Variants in RBM27 observed in about 807,000 individuals in gnomAD.
RBM27 encodes RNA-binding protein 27.
Under a neutral mutation model 135.3 loss-of-function variants are expected in RBM27, and 22 were observed. That is an observed-to-expected ratio of 0.16 (90% CI 0.12 to 0.23). The LOEUF (loss-of-function observed/expected upper bound fraction) is 0.23, where lower values mean the gene tolerates loss of function less well. Among genes scored for constraint, RBM27 ranks in the 10% least tolerant of loss-of-function variants. The probability of loss-of-function intolerance (pLI) is 1.00; values close to 1 mark genes in which losing one functional copy is unlikely to be tolerated. For missense variants in RBM27, 1,009 were observed against 1,281.0 expected (o/e 0.79, Z 3.24); for synonymous variants, 481 against 442.4 (o/e 1.09, Z -1.10).
intron 8 of RBM27, among the ~76,000 whole-genome samples, chr5:146,241,557 C>T (rs1190000917): frequency 1.3e-5 from 2 of 152,204 alleles, no homozygotes; most frequent in Non-Finnish European, 2.9e-5. Context: ...CCTCCACCTC[C>T]CAGGTTTAAG....
At chr5:146,253,213 G>A (rs1467366286) in intron 9 of RBM27, among the ~76,000 whole-genome samples, 4 of 152,154 alleles carry the variant, frequency 2.6e-5, no homozygotes, top group Non-Finnish European at 5.9e-5. Flanking sequence ...GGTCAGGCTG[G>A]TCTCGAACTC....
At chr5:146,204,943 G>C (rs1755561916) in intron 1 of RBM27, among the ~76,000 whole-genome samples, 1 of 152,102 alleles carries the variant, frequency 6.6e-6, no homozygotes, top group Non-Finnish European at 1.5e-5. Flanking sequence ...TGTCTCCCAG[G>C]CTGGAGTGCA....
At chr5:146,256,278 C>T (rs1486081474) in intron 10 of RBM27, among the ~76,000 whole-genome samples, 1 of 145,562 alleles carries the variant, frequency 6.9e-6, no homozygotes, top group Admixed American at 6.9e-5. Flanking sequence ...AATGCCTTCT[C>T]ATATATATAT....
Position 146,254,570 on chromosome 5 carries a change from T to TA in RBM27, c.1445-364dup, listed in dbSNP as rs199585285. ...AAAATATTCAGGAAAAAAATAAAAA[T>TA]AAAAAAAAACCAGTACAATAATTAA... On this transcript the variant is annotated intron_variant, in intron 9 of 20. Transcript: ENST00000265271. 2.6e-3 allele frequency among the ~76,000 whole-genome samples: 391 copies of TA among 148,958 alleles called. 4 individuals carry two copies. Among genetic ancestry groups the TA allele is most frequent in the African/African-American group, 9.1e-3 (369 of 40,484 alleles).
intron 11 of RBM27, among the ~76,000 whole-genome samples, chr5:146,259,362 G>A (rs962327824): frequency 6.6e-6 from 1 of 151,826 alleles, no homozygotes; most frequent in Non-Finnish European, 1.5e-5. Context: ...AAATTAGCCA[G>A]GTGTGGTGGC....
At chr5:146,260,966 C>CG (rs879612439) in intron 12 of RBM27, 68 bp downstream of exon 12, 1 of 1,455,456 alleles carries the variant, frequency 6.9e-7, no homozygotes, top group Non-Finnish European at 9.4e-7. Context: ...TCTATCAGCT[C>CG]ACCTTGTTTA....
At chr5:146,234,653 A>G (rs1460424872) in intron 7 of RBM27, among the ~76,000 whole-genome samples, 1 of 152,192 alleles carries the variant, frequency 6.6e-6, no homozygotes, top group Non-Finnish European at 1.5e-5. Flanking sequence ...AATTTTTAAA[A>G]AGTAATTGAA....
chr5:146,264,426 C>T (rs1365750834), intron 14 of RBM27, among the ~76,000 whole-genome samples: 1 of 151,982 alleles, frequency 6.6e-6, no homozygotes, highest in Non-Finnish European at 1.5e-5. Context: ...AGGTGATCCA[C>T]CCCAGAGTGC....
chr5:146,228,240 G>C (rs923134676), intron 3 of RBM27, among the ~76,000 whole-genome samples: 12 of 149,414 alleles, frequency 8.0e-5, no homozygotes, highest in African/African-American at 2.7e-4. Context: ...ATATTATCAG[G>C]TAGATGGACA....
intron 8 of RBM27, among the ~76,000 whole-genome samples, chr5:146,249,546 G>A (rs1378539046): frequency 6.6e-6 from 1 of 151,748 alleles, no homozygotes; most frequent in Non-Finnish European, 1.5e-5. Flanking sequence ...AATTAGCTGG[G>A]CGTGGTGGTG....
At chr5:146,257,566 T>C (rs1467459108) in intron 10 of RBM27, among the ~76,000 whole-genome samples, 1 of 152,206 alleles carries the variant, frequency 6.6e-6, no homozygotes, top group Non-Finnish European at 1.5e-5. Flanking sequence ...GTTGAATCTC[T>C]TGAAATTAAT....
chr5:146,260,491 T>C (rs563104651), intron 11 of RBM27, among the ~76,000 whole-genome samples: 1 of 152,330 alleles, frequency 6.6e-6, no homozygotes, highest in South Asian at 2.1e-4. Context: ...CTCAGAGTGC[T>C]GGCGTTACAG....
chr5:146,261,051 A>G (rs962449513), intron 12 of RBM27, among the ~76,000 whole-genome samples, 153 bp downstream of exon 12: 4 of 152,184 alleles, frequency 2.6e-5, no homozygotes, highest in African/African-American at 9.7e-5. Flanking sequence ...ACCCACTTTT[A>G]TGATGGACTT....
chr5:146,229,024 T>C lies in RBM27; in HGVS notation c.382T>C (p.Ser128Pro), dbSNP rs373850715. 59 of 1,613,042 alleles carry C rather than the reference T, an allele frequency of 3.7e-5. No individual in the cohort carries two copies. The highest frequency in any genetic ancestry group is 4.5e-5 in the Non-Finnish European group (53 of 1,179,322). The change falls in exon 4 of 21, where the codon TCT becomes CCT. Residue 128 changes from serine to proline, a missense_variant. This residue lies in a region of RBM27 where 268 missense variants were observed against 326.6 expected (regional missense o/e 0.82). Coordinates refer to ENST00000265271, the MANE Select transcript of RBM27 (RefSeq NM_018989.2). ...YPSPQKTRSESSERRTREKKR... is the reference protein window; with the variant it reads ...YPSPQKTRSEPSERRTREKKR... ...TAGTCCCCAGAAGACTCGTTCAGAATCTAGTGAACGAAGGTTTGTGTTTAT... is the reference window on the plus strand; with the variant it reads ...TAGTCCCCAGAAGACTCGTTCAGAACCTAGTGAACGAAGGTTTGTGTTTAT...
rs1251645732 is a variant in RBM27 at position 146,261,690 on chromosome 5, C to A, written c.2074C>A (p.Gln692Lys). The A allele has an allele frequency of 1.2e-6, 2 of 1,614,084 alleles. No homozygotes were observed. Among genetic ancestry groups the A allele is most frequent in the East Asian group, 4.5e-5 (2 of 44,894 alleles). ...QSSAQLLLQQ[Q>K]QTLSHLSQQH... is the part of the protein sequence containing the mutation. Reference sequence around the variant, plus strand: ...CTCAGCACAGCTGCTCCTGCAACAACAGCAAACACTTAGTCACCTCTCACA... The same window carrying A: ...CTCAGCACAGCTGCTCCTGCAACAAAAGCAAACACTTAGTCACCTCTCACA... The change falls in exon 13 of 21, where the codon CAG (glutamine) becomes AAG (lysine). Residue 692 changes from glutamine (Q) to lysine (K), a missense_variant. Physicochemically the swap from Gln to Lys is moderately conservative, Grantham distance 53. Around this residue, in one of 6 missense-constraint regions of RBM27, gnomAD observed 355 missense variants for 427.3 expected, o/e 0.83. Transcript: ENST00000265271.
At chr5:146,270,102 C>A (rs1476761776) in intron 17 of RBM27, among the ~76,000 whole-genome samples, 1 of 152,044 alleles carries the variant, frequency 6.6e-6, no homozygotes, top group African/African-American at 2.4e-5. Flanking sequence ...AAAAAAGAAG[C>A]CTGGCCTATT....
In RBM27 at chr5:146,266,866, G is replaced by A. The variant is rs547791204; in HGVS notation, c.2332-783G>A. On this transcript the variant is annotated intron_variant, in intron 14 of 20. Coordinates refer to ENST00000265271, the MANE Select transcript of RBM27 (RefSeq NM_018989.2). ...GTGGGATTGAGCCCAAGAGATTGAG[G>A]CGCAGCAAGCCGTGATTGCACCTCT... Among the ~76,000 whole-genome samples, 373 of 152,218 alleles carry A rather than the reference G, an allele frequency of 2.5e-3. 3 individuals carry two copies. Among genetic ancestry groups the A allele is most frequent in the African/African-American group, 8.8e-3 (366 of 41,546 alleles).
chr5:146,264,420 G>T (rs965904245), intron 14 of RBM27, among the ~76,000 whole-genome samples: 1 of 152,026 alleles, frequency 6.6e-6, no homozygotes, highest in African/African-American at 2.4e-5. Flanking sequence ...GACCTTAGGT[G>T]ATCCACCCCA....
rs1755474859 is a variant in RBM27, at chr5:146,203,606, G to A, written c.-160G>A. The A allele has an allele frequency of 3.1e-6, 2 of 649,008 alleles. No individual in the cohort carries two copies. The highest frequency in any genetic ancestry group is 2.8e-5 in the Admixed American group (1 of 35,874). The allele number at this position is 649,008 out of a possible 1,614,324, so 40.2% of individuals were successfully genotyped here. Reference sequence around the variant, plus strand: ...AGGTTGAGTGAGGGCTCTTGGGTTAGTTCCTGTTAGGCCCCGGCCGGGGGA... The same window carrying A: ...AGGTTGAGTGAGGGCTCTTGGGTTAATTCCTGTTAGGCCCCGGCCGGGGGA... On this transcript the variant is annotated 5_prime_UTR_variant, in exon 1 of 21. Coordinates refer to ENST00000265271, the MANE Select transcript of RBM27 (RefSeq NM_018989.2).
Sources: gnomAD v4.1 joint callset for allele counts (sites outside exome capture counted in the v4.1 genomes callset) on GRCh38, gnomAD v4.1.1 for gene constraint, gnomAD v4.1.1 regional missense constraint, MANE v1.5 for transcripts, NCBI Gene and HGNC (gene_info 2026-07-23, HGNC 2026-07-21) for gene names.